CNBD1: variants seen among roughly 807,000 people sequenced by gnomAD.
The protein encoded by CNBD1 is cyclic nucleotide binding domain containing 1.
Under a neutral mutation model 54.4 loss-of-function variants are expected in CNBD1, and 71 were observed. The ratio of observed to expected loss-of-function variants is 1.30; its 90% CI spans 1.08 to 1.59. CNBD1 has a LOEUF of 1.59. Ranked by LOEUF, CNBD1 falls within the 40% of genes most tolerant of loss-of-function variation. CNBD1 has a pLI of 0.00. For synonymous variants in CNBD1, 182 were observed against 170.7 expected (o/e 1.07, Z -0.51); for missense variants, 659 against 518.0 (o/e 1.27, Z -2.64).
rs759337629 is a variant in CNBD1 at position 87,407,378 on chromosome 8, G to A, written c.214-21168G>A. ...ATTATTGTATAATACCCTTTTGTAC[G>A]AACATACTATATGATGTTATTGATG... On this transcript the variant is annotated intron_variant, in intron 2 of 7. Transcript: ENST00000521593. 7.9e-5 allele frequency among the ~76,000 whole-genome samples: 12 copies of A among 151,642 alleles called. 1 individual carries two copies. The highest frequency in any genetic ancestry group is 1.0e-4 in the Non-Finnish European group (7 of 67,948).
chr8:87,360,744 G>A lies in CNBD1; in HGVS notation c.1303+6958G>A, dbSNP rs554089309. Among the ~76,000 whole-genome samples the A allele has an allele frequency of 4.5e-4, 69 of 151,912 alleles. 1 individual carries two copies. In the South Asian group the frequency reaches 0.01, roughly 23 times the overall value. On this transcript the variant is annotated intron_variant, in intron 10 of 10. Transcript: ENST00000518476. ...ACTTATGATTGAAAAATAAGGAATA[G>A]CTAATGTGCTTAATTTGCCATACCG...
At chr8:86,924,609 C>A (rs1256800190) in intron 3 of CNBD1, among the ~76,000 whole-genome samples, 1 of 151,744 alleles carries the variant, frequency 6.6e-6, no homozygotes, top group South Asian at 2.1e-4. Context: ...TATTTTTTTG[C>A]CTGACAGGAG....
chr8:87,175,892 G>C (rs1245250203), intron 4 of CNBD1, among the ~76,000 whole-genome samples: 1 of 152,196 alleles, frequency 6.6e-6, no homozygotes, highest in Non-Finnish European at 1.5e-5. Flanking sequence ...CTCAAGTTCT[G>C]AGTGCTGGGA....
At chr8:87,057,581 G>T (rs1187164668) in intron 4 of CNBD1, among the ~76,000 whole-genome samples, 2 of 152,186 alleles carry the variant, frequency 1.3e-5, no homozygotes, top group African/African-American at 4.8e-5. Context: ...GGGCGCAGTG[G>T]CCCATCCCTG....
At chr8:86,968,353 C>G (rs572542709) in intron 4 of CNBD1, among the ~76,000 whole-genome samples, 2 of 152,242 alleles carry the variant, frequency 1.3e-5, no homozygotes, top group Admixed American at 1.3e-4. Context: ...GAATTGCCCC[C>G]ACCCTTGCTC....
intron 4 of CNBD1, among the ~76,000 whole-genome samples, chr8:87,062,084 A>G (rs1810559403): frequency 6.6e-6 from 1 of 152,234 alleles, no homozygotes; most frequent in Non-Finnish European, 1.5e-5. Flanking sequence ...GATGGTCAGC[A>G]AGTCAGCTCC....
At chr8:87,373,082 G>A (rs1258119530) in intron 10 of CNBD1, among the ~76,000 whole-genome samples, 2 of 151,756 alleles carry the variant, frequency 1.3e-5, no homozygotes, top group East Asian at 3.9e-4. Flanking sequence ...GTATTTGGAT[G>A]GGTGAATTCT....
At chr8:86,950,750 C>T (rs1386184481) in intron 4 of CNBD1, among the ~76,000 whole-genome samples, 1 of 152,100 alleles carries the variant, frequency 6.6e-6, no homozygotes, top group African/African-American at 2.4e-5. Flanking sequence ...TGATATAATT[C>T]AGCAGTGAAG....
chr8:87,022,348 A>G (rs1277633987), intron 4 of CNBD1, among the ~76,000 whole-genome samples: 1 of 152,134 alleles, frequency 6.6e-6, no homozygotes, highest in Non-Finnish European at 1.5e-5. Context: ...TCTCCAAACA[A>G]TTGTTCTCCC....
intron 10 of CNBD1, among the ~76,000 whole-genome samples, chr8:87,380,954 T>A (rs1811060668): frequency 6.6e-6 from 1 of 151,948 alleles, no homozygotes; most frequent in Non-Finnish European, 1.5e-5. Flanking sequence ...GAAGAATACG[T>A]AGTTAAAAAT....
chr8:87,325,996 C>G (rs1407046204), intron 8 of CNBD1, among the ~76,000 whole-genome samples: 4 of 108,710 alleles, frequency 3.7e-5, no homozygotes, highest in South Asian at 2.9e-4. Context: ...TAGGGCAGGC[C>G]TGGTGGTGAC....
chr8:87,181,213 T>TA (rs1445677984), intron 4 of CNBD1, among the ~76,000 whole-genome samples: 2 of 152,206 alleles, frequency 1.3e-5, no homozygotes, highest in Non-Finnish European at 2.9e-5. Flanking sequence ...TATTCCTTTT[T>TA]AAAAATATAT....
intron 1 of CNBD1, among the ~76,000 whole-genome samples, chr8:86,884,634 G>T (rs1808654593): frequency 6.6e-6 from 1 of 152,032 alleles, no homozygotes; most frequent in Non-Finnish European, 1.5e-5. Flanking sequence ...CATGCTTATT[G>T]TCTCTGAAGG....
intron 2 of CNBD1, among the ~76,000 whole-genome samples, chr8:87,393,807 G>C (rs569906224): frequency 4.1e-4 from 63 of 151,902 alleles, no homozygotes; most frequent in African/African-American, 1.5e-3. Flanking sequence ...CTTCAAAACA[G>C]AGCAGATTTG....
intron 4 of CNBD1, among the ~76,000 whole-genome samples, chr8:86,974,246 G>T (rs1158951132): frequency 6.6e-6 from 1 of 151,912 alleles, no homozygotes; most frequent in Non-Finnish European, 1.5e-5. Flanking sequence ...ATTCAGAAGT[G>T]GGAAAATAAA....
intron 4 of CNBD1, among the ~76,000 whole-genome samples, chr8:87,188,657 T>C (rs1420570092): frequency 1.3e-5 from 2 of 149,770 alleles, no homozygotes; most frequent in Non-Finnish European, 3.0e-5. Flanking sequence ...ACTAGGGAGG[T>C]GGAGGTTGCA....
intron 6 of CNBD1, among the ~76,000 whole-genome samples, chr8:87,243,327 C>T (rs1807741435): frequency 6.6e-6 from 1 of 152,174 alleles, no homozygotes; most frequent in Admixed American, 6.5e-5. Context: ...CAAACAAGAA[C>T]ATATTCCAAT....
chr8:86,943,039 C>A lies in CNBD1; in HGVS notation c.431+3285C>A, dbSNP rs972919499. On this transcript the variant is annotated intron_variant, in intron 4 of 10. Coordinates refer to ENST00000518476, the MANE Select transcript of CNBD1 (RefSeq NM_173538.3). ...TACTTTAAAACTTTTCACTTTGTCA[C>A]CCTGACTAAAATTAAAAAAAAAAAA... Among the ~76,000 whole-genome samples the A allele has an allele frequency of 9.9e-5, 15 of 150,970 alleles. 1 individual carries two copies. The highest frequency in any genetic ancestry group is 2.6e-4 in the Admixed American group (4 of 15,146).
chr8:87,364,697 AT>A (rs1810605387), intron 10 of CNBD1, among the ~76,000 whole-genome samples: 1 of 151,416 alleles, frequency 6.6e-6, no homozygotes, highest in Non-Finnish European at 1.5e-5. Flanking sequence ...TTGTGCATTC[AT>A]GTGTTCTCAT....
Sources: allele counts gnomAD v4.1 joint callset (sites outside exome capture counted in the v4.1 genomes callset), GRCh38; gene constraint gnomAD v4.1.1; transcripts MANE v1.5; gene names NCBI Gene and HGNC (gene_info 2026-07-23, HGNC 2026-07-21).